ITGA9: variants seen among roughly 807,000 people sequenced by gnomAD.
The protein encoded by ITGA9 is integrin subunit alpha 9, also known as integrin alpha-9.
ITGA9 carries 56 observed loss-of-function variants against 127.8 expected under a neutral mutation model. The observed-to-expected ratio is 0.44, with a 90% CI of 0.35 to 0.55. The LOEUF (loss-of-function observed/expected upper bound fraction) is 0.55, where lower values mean the gene tolerates loss of function less well. Ranked by LOEUF, ITGA9 falls within the 20% of genes least tolerant of loss-of-function variation. The pLI is 0.00. For synonymous variants in ITGA9, 508 were observed against 514.5 expected (o/e 0.99, Z 0.17); for missense variants, 1,196 against 1,347.1 (o/e 0.89, Z 1.76).
At chr3:37,700,293 AT>A (rs1465234844) in intron 18 of ITGA9, among the ~76,000 whole-genome samples, 1 of 149,822 alleles carries the variant, frequency 6.7e-6, no homozygotes, top group Non-Finnish European at 1.5e-5. Flanking sequence ...CGGACATACT[AT>A]TTGTTTGTTG....
At chr3:37,551,428 A>G (rs1699377378) in intron 15 of ITGA9, among the ~76,000 whole-genome samples, 2 of 152,132 alleles carry the variant, frequency 1.3e-5, no homozygotes, top group Admixed American at 6.5e-5. Flanking sequence ...ACCTCCTGCA[A>G]CTGAATTTAG....
intron 18 of ITGA9, among the ~76,000 whole-genome samples, chr3:37,709,531 T>C (rs1451884486): frequency 6.6e-6 from 1 of 152,202 alleles, no homozygotes; most frequent in African/African-American, 2.4e-5. Context: ...TTGGAAATGA[T>C]GACCTGAGAG....
chr3:37,622,575 G>A (rs1298110585), intron 15 of ITGA9, among the ~76,000 whole-genome samples: 1 of 152,090 alleles, frequency 6.6e-6, no homozygotes, highest in Non-Finnish European at 1.5e-5. Context: ...GGGCGCAGTG[G>A]CTTATATCTG....
chr3:37,706,424 G>A (rs1384298703), intron 18 of ITGA9, among the ~76,000 whole-genome samples: 1 of 152,192 alleles, frequency 6.6e-6, no homozygotes, highest in East Asian at 1.9e-4. Context: ...AGATGCATAG[G>A]TGCAGGTGGT....
intron 8 of ITGA9, among the ~76,000 whole-genome samples, chr3:37,513,529 G>T (rs1698954412): frequency 2.0e-5 from 3 of 151,954 alleles, no homozygotes; most frequent in Non-Finnish European, 4.4e-5. Context: ...TTGATGTGCT[G>T]TACCCATTAA....
chr3:37,458,975 T>G (rs1358436486), intron 1 of ITGA9, among the ~76,000 whole-genome samples: 1 of 152,182 alleles, frequency 6.6e-6, no homozygotes. Flanking sequence ...CAGAATAAAA[T>G]GTTTTATCCC....
intron 4 of ITGA9, among the ~76,000 whole-genome samples, chr3:37,490,565 G>A (rs916901723): frequency 2.6e-5 from 4 of 152,214 alleles, no homozygotes; most frequent in Admixed American, 1.3e-4. Context: ...TATGCTGTAT[G>A]TGAATCTTGA....
At chr3:37,605,881 AC>A (rs1699964406) in intron 15 of ITGA9, among the ~76,000 whole-genome samples, 1 of 151,730 alleles carries the variant, frequency 6.6e-6, no homozygotes, top group African/African-American at 2.4e-5. Flanking sequence ...AAATGATTAA[AC>A]CCTTTTTTTT....
intron 15 of ITGA9, among the ~76,000 whole-genome samples, chr3:37,545,844 C>T (rs192751049): frequency 6.8e-4 from 103 of 152,234 alleles, no homozygotes; most frequent in Admixed American, 2.4e-3. Flanking sequence ...CATCTTCTGC[C>T]ACCACATCCC....
intron 18 of ITGA9, among the ~76,000 whole-genome samples, chr3:37,701,164 G>T (rs375327351): frequency 6.6e-6 from 1 of 152,204 alleles, no homozygotes; most frequent in African/African-American, 2.4e-5. Context: ...TTGTCCACAT[G>T]GGTTTCTGCA....
At chr3:37,811,114 T>G (rs1320711370) in intron 27 of ITGA9, among the ~76,000 whole-genome samples, 1 of 152,158 alleles carries the variant, frequency 6.6e-6, no homozygotes, top group Non-Finnish European at 1.5e-5. Flanking sequence ...AAATGGATCC[T>G]AATCAGCTTT....
At chr3:37,716,300 C>T (rs1047501452) in intron 18 of ITGA9, among the ~76,000 whole-genome samples, 3 of 152,004 alleles carry the variant, frequency 2.0e-5, no homozygotes, top group Admixed American at 6.6e-5. Flanking sequence ...ATTTACATCC[C>T]GCCCATACTC....
intron 3 of ITGA9, among the ~76,000 whole-genome samples, chr3:37,477,998 A>G (rs1698511715): frequency 6.6e-6 from 1 of 150,844 alleles, no homozygotes; most frequent in Non-Finnish European, 1.5e-5. Flanking sequence ...TGAACTTTTT[A>G]TTGAGCTGTA....
intron 18 of ITGA9, among the ~76,000 whole-genome samples, chr3:37,689,706 T>C (rs1372598746): frequency 6.6e-6 from 1 of 152,216 alleles, no homozygotes; most frequent in Non-Finnish European, 1.5e-5. Flanking sequence ...GAATATAATG[T>C]GAGTGGTGTC....
intron 15 of ITGA9, among the ~76,000 whole-genome samples, chr3:37,570,827 C>A (rs1699592805): frequency 6.6e-6 from 1 of 152,146 alleles, no homozygotes; most frequent in Admixed American, 6.5e-5. Flanking sequence ...GTTATGAGAA[C>A]CTATTGATGA....
chr3:37,761,121 A>G lies in ITGA9; in HGVS notation c.2541+10552A>G, dbSNP rs533690665. On this transcript the variant is annotated intron_variant, in intron 23 of 27. Transcript: ENST00000264741. ...AGAAATTTTAATAGCAAATAAACAT[A>G]TAGAAAGATGCCTAGCCTCACTGGT... Among the ~76,000 whole-genome samples the G allele has an allele frequency of 2.1e-3, 322 of 152,306 alleles. 1 individual carries two copies. The highest frequency in any genetic ancestry group is 7.5e-3 in the African/African-American group (310 of 41,576).
At chr3:37,649,312 A>C (rs1344117186) in intron 16 of ITGA9, among the ~76,000 whole-genome samples, 1 of 152,176 alleles carries the variant, frequency 6.6e-6, no homozygotes, top group Non-Finnish European at 1.5e-5. Flanking sequence ...AAACAACAAC[A>C]ACCAGGATCA....
intron 26 of ITGA9, chr3:37,790,060 TAA>T (rs1697089741): frequency 3.6e-6 from 2 of 559,900 alleles, no homozygotes; most frequent in Admixed American, 2.0e-5. Context: ...TGTTTCTGGA[TAA>T]AGTTTATGAT....
chr3:37,677,082 C>A lies in ITGA9; in HGVS notation c.1917-6783C>A, dbSNP rs147829625. ...AGTTTCTCTTGCCCCTTGATCTTCA[C>A]CTGTTCCTTTGGCAGGTCTTATCAA... On this transcript the variant is annotated intron_variant, in intron 17 of 27. Coordinates refer to ENST00000264741, the MANE Select transcript of ITGA9 (RefSeq NM_002207.3). Among the ~76,000 whole-genome samples, 463 of 152,300 alleles carry A rather than the reference C, an allele frequency of 3.0e-3. 4 individuals are homozygous for A. The highest frequency in any genetic ancestry group is 0.01 in the Middle Eastern group (3 of 294).
Sources: gnomAD v4.1 joint callset for allele counts (sites outside exome capture counted in the v4.1 genomes callset) on GRCh38, gnomAD v4.1.1 for gene constraint, MANE v1.5 for transcripts, NCBI Gene and HGNC (gene_info 2026-07-23, HGNC 2026-07-21) for gene names.